Variants in PRKCB observed in about 807,000 individuals in gnomAD.
PRKCB encodes protein kinase C beta type.
A neutral mutation model predicts 81.5 loss-of-function variants in PRKCB; 13 were observed. That is an observed-to-expected ratio of 0.16 (90% CI 0.10 to 0.25). The LOEUF is 0.25. PRKCB is among the 10% of genes least tolerant of loss of function. The pLI is 1.00. For synonymous variants in PRKCB, 335 were observed against 321.4 expected (o/e 1.04, Z -0.45); for missense variants, 509 against 875.7 (o/e 0.58, Z 5.29).
chr16:24,037,736 C>T (rs1263080625), intron 5 of PRKCB, among the ~76,000 whole-genome samples: 1 of 151,952 alleles, frequency 6.6e-6, no homozygotes, highest in African/African-American at 2.4e-5. Flanking sequence ...CATAGATATG[C>T]TGTGAACTTT....
At chr16:24,089,380 T>C (rs1228312964) in intron 5 of PRKCB, among the ~76,000 whole-genome samples, 1 of 152,094 alleles carries the variant, frequency 6.6e-6, no homozygotes, top group East Asian at 1.9e-4. Flanking sequence ...TGTGGAAGGG[T>C]TCGAGTAAAC....
intron 7 of PRKCB, among the ~76,000 whole-genome samples, chr16:24,109,439 C>A (rs1279701136): frequency 8.5e-6 from 1 of 118,276 alleles, no homozygotes; most frequent in Non-Finnish European, 1.7e-5. Context: ...GGGTTGCGGC[C>A]GGGCAGAGGT....
intron 3 of PRKCB, among the ~76,000 whole-genome samples, chr16:24,026,124 C>T (rs1965476832): frequency 6.6e-6 from 1 of 152,112 alleles, no homozygotes; most frequent in African/African-American, 2.4e-5. Flanking sequence ...TAGCAAAAAC[C>T]CTGTCTCTAC....
chr16:23,993,595 C>A (rs961048330), intron 3 of PRKCB, among the ~76,000 whole-genome samples: 1 of 152,192 alleles, frequency 6.6e-6, no homozygotes, highest in Non-Finnish European at 1.5e-5. Flanking sequence ...GCCCCAGCGT[C>A]CTTTAAGAGC....
At chr16:23,872,779 G>A (rs1962926810) in intron 2 of PRKCB, among the ~76,000 whole-genome samples, 1 of 152,082 alleles carries the variant, frequency 6.6e-6, no homozygotes, top group Non-Finnish European at 1.5e-5. Flanking sequence ...GCATCTCTGA[G>A]TAGGAGCTCC....
rs1171930219 is a variant in PRKCB, at chr16:24,120,708, A to G, written c.919-3127A>G. On this transcript the variant is annotated intron_variant, in intron 8 of 16. Transcript: ENST00000643927. ...TCTCCCAAATAGATCCACTTTGTTC[A>G]GTCTACACTGCAGACAACTGAGTCC... 2.6e-5 allele frequency among the ~76,000 whole-genome samples: 4 copies of G among 151,806 alleles called. No individual in the cohort carries two copies. In the East Asian group the frequency reaches 7.8e-4, roughly 30 times the overall value.
intron 15 of PRKCB, 45 bp from the exon 16 acceptor site, chr16:24,191,045 C>T (rs1967784324): frequency 1.3e-6 from 2 of 1,591,916 alleles, no homozygotes; most frequent in Non-Finnish European, 1.7e-6. Flanking sequence ...CTTACATTTC[C>T]TCTTCTGAAA....
chr16:23,957,840 C>G (rs1964370182), intron 2 of PRKCB, among the ~76,000 whole-genome samples: 1 of 152,168 alleles, frequency 6.6e-6, no homozygotes, highest in Admixed American at 6.5e-5. Flanking sequence ...TAAGGGTATG[C>G]CTTCAAATAC....
At chr16:24,036,661 C>T (rs969887714) in intron 5 of PRKCB, among the ~76,000 whole-genome samples, 2 of 152,086 alleles carry the variant, frequency 1.3e-5, no homozygotes, top group Non-Finnish European at 2.9e-5. Context: ...CTTGAGATTT[C>T]GTGAAGCCCA....
intron 9 of PRKCB, among the ~76,000 whole-genome samples, chr16:24,154,277 T>G (rs1596572133): frequency 6.6e-6 from 1 of 152,112 alleles, no homozygotes; most frequent in Non-Finnish European, 1.5e-5. Flanking sequence ...GAGGCCAGGA[T>G]ACCAGCCTGG....
chr16:23,889,116 G>GTCCATCCATCCA lies in PRKCB; in HGVS notation c.205+51754_205+51765dup, dbSNP rs60798460. On this transcript the variant is annotated intron_variant, in intron 2 of 16. Transcript: ENST00000643927. The stretch of plus-strand genomic sequence containing the variant: ...CAGTCATCTACACAGCTGTTCACTC[G>GTCCATCCATCCA]TCCATCCATCCATCCATCCATCCAT... Among the ~76,000 whole-genome samples the GTCCATCCATCCA allele has an allele frequency of 5.1e-4, 75 of 147,620 alleles. 1 individual carries two copies. Among genetic ancestry groups the GTCCATCCATCCA allele is most frequent in the African/African-American group, 1.1e-3 (45 of 39,808 alleles).
At position 24,219,840 on chromosome 16, in the gene PRKCB, C is replaced by T. The variant is rs1164910073; in HGVS notation, c.*5024C>T. The T allele has an allele frequency of 9.2e-6, 13 of 1,420,662 alleles. No individual in the cohort carries two copies. The highest frequency in any genetic ancestry group is 3.7e-4 in the Middle Eastern group (2 of 5,418). 88.0% of individuals were successfully genotyped at this position (1,420,662 alleles called of 1,614,324 possible). ...GTGGAGTGCAGCTGCTAAAAATTTT[C>T]AGCACAGGGCTCTTTCTGACTCTGC... On this transcript the variant is annotated 3_prime_UTR_variant, in exon 17 of 17. Transcript: ENST00000643927.
chr16:23,923,850 G>T (rs779117754), intron 2 of PRKCB, among the ~76,000 whole-genome samples: 1 of 152,112 alleles, frequency 6.6e-6, no homozygotes. Context: ...TGTGGTCACA[G>T]AAGTAACCTA....
intron 3 of PRKCB, among the ~76,000 whole-genome samples, chr16:24,006,788 G>T (rs1353808632): frequency 1.3e-5 from 2 of 152,038 alleles, no homozygotes; most frequent in African/African-American, 2.4e-5. Context: ...ACGCTGTGGG[G>T]GTAGGATGGC....
At chr16:23,868,551 G>T (rs977052263) in intron 2 of PRKCB, among the ~76,000 whole-genome samples, 1 of 152,112 alleles carries the variant, frequency 6.6e-6, no homozygotes, top group Non-Finnish European at 1.5e-5. Flanking sequence ...ATAACCTGAG[G>T]CTCAGTTATT....
chr16:23,950,620 G>A (rs549284933), intron 2 of PRKCB, among the ~76,000 whole-genome samples: 43 of 152,338 alleles, frequency 2.8e-4, no homozygotes, highest in South Asian at 2.3e-3. Flanking sequence ...GCCTGGCACA[G>A]AGTAAACCCA....
intron 9 of PRKCB, among the ~76,000 whole-genome samples, chr16:24,147,403 C>T (rs802596): frequency 0.36 from 55,086 of 151,790 alleles, 10,353 homozygotes; most frequent in South Asian, 0.47. Context: ...GCTTATTGGG[C>T]ACATCACCAG....
In PRKCB at chr16:24,218,192, T is replaced by C; in HGVS notation, c.*3376T>C. ...GAAATAATAAATAAACAAGACAATT[T>C]CTGAAAGCAATAAGTGCAATCAAGA... is the stretch of plus-strand genomic sequence containing the variant. On this transcript the variant is annotated 3_prime_UTR_variant, in exon 17 of 17. Transcript: ENST00000643927. 1 of 985,344 alleles carries C rather than the reference T, an allele frequency of 1.0e-6. No individual in the cohort carries two copies. Among genetic ancestry groups the C allele is most frequent in the South Asian group, 4.7e-5 (1 of 21,278 alleles). 61.0% of individuals were successfully genotyped at this position (985,344 alleles called of 1,614,324 possible).
At chr16:23,973,764 T>G (rs1964589204) in intron 2 of PRKCB, among the ~76,000 whole-genome samples, 1 of 152,162 alleles carries the variant, frequency 6.6e-6, no homozygotes, top group Non-Finnish European at 1.5e-5. Context: ...CACTGCAGCC[T>G]CGACCTCCTG....
Sources: allele counts gnomAD v4.1 joint callset (sites outside exome capture counted in the v4.1 genomes callset), GRCh38; gene constraint gnomAD v4.1.1; transcripts MANE v1.5; gene names NCBI Gene and HGNC (gene_info 2026-07-23, HGNC 2026-07-21).